DNM3: variants seen among roughly 807,000 people sequenced by gnomAD.
The protein encoded by DNM3 is dynamin-3.
A neutral mutation model predicts 101.6 loss-of-function variants in DNM3; 47 were observed. The ratio of observed to expected loss-of-function variants is 0.46; its 90% CI spans 0.37 to 0.59. DNM3 has a LOEUF of 0.59. Ranked by LOEUF, DNM3 falls within the 20% of genes least tolerant of loss-of-function variation. The probability of loss-of-function intolerance (pLI) is 0.00; values close to 1 mark genes in which losing one functional copy is unlikely to be tolerated. For missense variants in DNM3, 849 were observed against 1,085.7 expected (o/e 0.78, Z 3.06); for synonymous variants, 385 against 387.9 (o/e 0.99, Z 0.09).
intron 14 of DNM3, among the ~76,000 whole-genome samples, chr1:172,243,966 T>C (rs1385316410): frequency 3.3e-5 from 5 of 152,102 alleles, no homozygotes; most frequent in African/African-American, 1.2e-4. Context: ...CTGCACCCAC[T>C]AACTCGTCAT....
intron 10 of DNM3, among the ~76,000 whole-genome samples, chr1:172,051,034 A>G (rs992272615): frequency 1.3e-5 from 2 of 152,094 alleles, no homozygotes; most frequent in Admixed American, 1.3e-4. Context: ...TTGGTCTTCT[A>G]TACATTTTTA....
intron 14 of DNM3, among the ~76,000 whole-genome samples, chr1:172,147,051 C>T (rs1039706050): frequency 3.9e-5 from 6 of 152,096 alleles, no homozygotes; most frequent in African/African-American, 1.4e-4. Flanking sequence ...GAATATATGT[C>T]CATCTCCTTG....
intron 7 of DNM3, among the ~76,000 whole-genome samples, chr1:172,040,940 A>T (rs2049337336): frequency 6.6e-6 from 1 of 152,058 alleles, no homozygotes; most frequent in South Asian, 2.1e-4. Flanking sequence ...GAGTGGTAAG[A>T]GATGGGGCTG....
chr1:171,936,294 A>G (rs958869302), intron 2 of DNM3, among the ~76,000 whole-genome samples: 1 of 151,974 alleles, frequency 6.6e-6, no homozygotes, highest in Admixed American at 6.6e-5. Context: ...GCAGTGAGCC[A>G]AGCCCAAGAT....
intron 14 of DNM3, among the ~76,000 whole-genome samples, chr1:172,178,398 G>A (rs2059228667): frequency 6.6e-6 from 1 of 151,894 alleles, no homozygotes. Flanking sequence ...AATATTTATT[G>A]AGTATTTATT....
At chr1:171,976,552 C>G (rs1395417648) in intron 2 of DNM3, among the ~76,000 whole-genome samples, 1 of 152,172 alleles carries the variant, frequency 6.6e-6, no homozygotes, top group African/African-American at 2.4e-5. Context: ...CCCACTGGGT[C>G]CCTCCCATGA....
At chr1:172,337,588 A>T (rs569361553) in intron 17 of DNM3, among the ~76,000 whole-genome samples, 2 of 152,334 alleles carry the variant, frequency 1.3e-5, no homozygotes, top group Admixed American at 1.3e-4. Context: ...TCCTGAATTT[A>T]TTTGATCAAA....
intron 14 of DNM3, among the ~76,000 whole-genome samples, chr1:172,136,375 C>T (rs1268472883): frequency 6.6e-6 from 1 of 152,118 alleles, no homozygotes; most frequent in Non-Finnish European, 1.5e-5. Flanking sequence ...TTCACTTATA[C>T]TTTTAAGATT....
chr1:172,036,707 G>A (rs998170917), intron 6 of DNM3, among the ~76,000 whole-genome samples: 4 of 152,058 alleles, frequency 2.6e-5, no homozygotes, highest in Non-Finnish European at 4.4e-5. Context: ...AGAAAACCTA[G>A]ACATTACCAT....
At chr1:171,963,735 A>G (rs1476006090) in intron 2 of DNM3, among the ~76,000 whole-genome samples, 1 of 149,764 alleles carries the variant, frequency 6.7e-6, no homozygotes, top group African/African-American at 2.4e-5. Context: ...ATCTCTATAT[A>G]GATATTATAT....
At chr1:172,335,742 A>AGTACACAT (rs142334054) in intron 17 of DNM3, among the ~76,000 whole-genome samples, 374 of 152,284 alleles carry the variant, frequency 2.5e-3, no homozygotes, top group African/African-American at 8.3e-3. Flanking sequence ...CTAAACACTG[A>AGTACACAT]GTACACATGG....
intron 14 of DNM3, among the ~76,000 whole-genome samples, chr1:172,133,867 G>A (rs1237111136): frequency 6.6e-6 from 1 of 151,938 alleles, no homozygotes; most frequent in Non-Finnish European, 1.5e-5. Context: ...GGAGAAAGGA[G>A]ATAAAATCAG....
chr1:172,372,154 G>A (rs2068370606), intron 17 of DNM3, among the ~76,000 whole-genome samples: 1 of 143,280 alleles, frequency 7.0e-6, no homozygotes, highest in Non-Finnish European at 1.5e-5. Flanking sequence ...CTAGGAGTGA[G>A]AATATGCGGT....
chr1:171,882,806 T>A (rs1409499315), intron 1 of DNM3, among the ~76,000 whole-genome samples: 3 of 152,072 alleles, frequency 2.0e-5, no homozygotes, highest in Non-Finnish European at 4.4e-5. Flanking sequence ...CAATATTTTT[T>A]ATCAATGACT....
chr1:171,896,555 C>T (rs932403606), intron 1 of DNM3, among the ~76,000 whole-genome samples: 82 of 152,072 alleles, frequency 5.4e-4, no homozygotes, highest in African/African-American at 1.6e-3. Context: ...TGGGCTGACA[C>T]GATGGGGTTT....
At chr1:172,305,728 A>G (rs2064772828) in intron 15 of DNM3, among the ~76,000 whole-genome samples, 1 of 152,254 alleles carries the variant, frequency 6.6e-6, no homozygotes, top group Admixed American at 6.5e-5. Flanking sequence ...CTGGTTCAAC[A>G]TACACAAATC....
At chr1:171,868,251 G>A (rs750790835) in intron 1 of DNM3, among the ~76,000 whole-genome samples, 5 of 152,076 alleles carry the variant, frequency 3.3e-5, no homozygotes, top group Admixed American at 1.3e-4. Context: ...TCTCTTAGGG[G>A]TAATCAGTTT....
chr1:172,349,877 T>A (rs2067117529), intron 17 of DNM3, among the ~76,000 whole-genome samples: 1 of 152,150 alleles, frequency 6.6e-6, no homozygotes. Flanking sequence ...TACAATGATA[T>A]GTGAAGAGGA....
Position 172,361,146 on chromosome 1 carries a change from T to C in DNM3, c.1894-17872T>C, listed in dbSNP as rs114814037. Among the ~76,000 whole-genome samples the C allele has an allele frequency of 1.4e-3, 219 of 152,144 alleles. 1 individual carries two copies. The highest frequency in any genetic ancestry group is 5.2e-3 in the African/African-American group (214 of 41,546). ...TTTCCTGAGCATCCTGTGTCCCTTC[T>C]GCACTTGTTCTCGTTTCACTGGGTC... On this transcript the variant is annotated intron_variant, in intron 17 of 20. Transcript: ENST00000627582.
Sources: gnomAD v4.1 joint callset for allele counts (sites outside exome capture counted in the v4.1 genomes callset) on GRCh38, gnomAD v4.1.1 for gene constraint, MANE v1.5 for transcripts, NCBI Gene and HGNC (gene_info 2026-07-23, HGNC 2026-07-21) for gene names.